Variants in SPAG9 observed in about 807,000 individuals in gnomAD.
SPAG9 encodes C-Jun-amino-terminal kinase-interacting protein 4.
In SPAG9, 35 loss-of-function variants were observed where a neutral mutation model predicts 166.5. The ratio of observed to expected loss-of-function variants is 0.21; its 90% CI spans 0.16 to 0.28. The LOEUF is 0.28. Among genes scored for constraint, SPAG9 ranks in the 10% least tolerant of loss-of-function variants. The probability of loss-of-function intolerance (pLI) is 1.00; values close to 1 mark genes in which losing one functional copy is unlikely to be tolerated. For missense variants in SPAG9, 1,235 were observed against 1,603.3 expected, an observed-to-expected ratio of 0.77 and a Z score of 3.92; for synonymous variants, 534 against 565.5, an observed-to-expected ratio of 0.94 and a Z score of 0.79.
At chr17:51,040,095 T>G (rs2046774763) in intron 5 of SPAG9, among the ~76,000 whole-genome samples, 1 of 151,216 alleles carries the variant, frequency 6.6e-6, no homozygotes, top group African/African-American at 2.4e-5. Flanking sequence ...ATTAGCCAGG[T>G]GTGGTGGTGG....
chr17:51,022,114 C>G (rs1356377548), intron 6 of SPAG9, among the ~76,000 whole-genome samples: 2 of 141,486 alleles, frequency 1.4e-5, no homozygotes, highest in East Asian at 4.2e-4. Flanking sequence ...CGGAGCTAGA[C>G]TCCATCTCAA....
chr17:50,981,022 C>T (rs1255593385), intron 25 of SPAG9, among the ~76,000 whole-genome samples: 1 of 151,950 alleles, frequency 6.6e-6, no homozygotes, highest in African/African-American at 2.4e-5. Context: ...AACAAAAATA[C>T]CAAAATATAA....
chr17:51,075,730 G>C (rs2047951263), intron 2 of SPAG9, among the ~76,000 whole-genome samples: 2 of 151,992 alleles, frequency 1.3e-5, no homozygotes, highest in Admixed American at 1.3e-4. Flanking sequence ...AGGCTAAGGT[G>C]GGAGGATCAC....
chr17:50,969,433 C>G (rs1973608172), intron 29 of SPAG9, among the ~76,000 whole-genome samples: 1 of 152,182 alleles, frequency 6.6e-6, no homozygotes, highest in Admixed American at 6.5e-5. Flanking sequence ...CACACTGTTA[C>G]TACCTTTCTT....
chr17:50,977,748 G>A (rs1315514410), intron 26 of SPAG9, among the ~76,000 whole-genome samples: 3 of 152,108 alleles, frequency 2.0e-5, no homozygotes, highest in South Asian at 2.1e-4. Flanking sequence ...GCCAGGCATG[G>A]TGGCACATGC....
intron 10 of SPAG9, among the ~76,000 whole-genome samples, chr17:51,006,989 TA>T (rs2045248431): frequency 6.6e-6 from 1 of 152,074 alleles, no homozygotes; most frequent in African/African-American, 2.4e-5. Flanking sequence ...AGGACAAATT[TA>T]GAAGATTAAG....
chr17:51,077,109 TCTAG>T (rs1412585538), intron 2 of SPAG9, among the ~76,000 whole-genome samples: 2 of 129,520 alleles, frequency 1.5e-5, no homozygotes, highest in South Asian at 2.4e-4. Context: ...TAGCTAGCTA[TCTAG>T]CTATCTAGCT....
Position 50,970,720 on chromosome 17 carries a change from G to C in SPAG9, c.3837C>G (p.Ile1279Met). 1 of 1,613,828 alleles carries C rather than the reference G, an allele frequency of 6.2e-7. No individual in the cohort carries two copies. Among genetic ancestry groups the C allele is most frequent in the East Asian group, 2.2e-5 (1 of 44,880 alleles). ...MLVISGGEGY[I>M]DFRMGDEGGE... Reference sequence around the variant, plus strand: ...CCAATGACATACCCATTCGGAAGTCGATGTAGCCCTCTCCTCCACTGATGA... The same window carrying C: ...CCAATGACATACCCATTCGGAAGTCCATGTAGCCCTCTCCTCCACTGATGA... Residue 1279 changes from isoleucine (I) to methionine (M), a missense_variant, in exon 29 of 30, where the codon ATC becomes ATG. Around this residue, in one of 6 missense-constraint regions of SPAG9, gnomAD observed 243 missense variants for 358.6 expected, o/e 0.68. Transcript: ENST00000262013.
At chr17:50,975,555 G>A (rs542475610) in intron 27 of SPAG9, among the ~76,000 whole-genome samples, 11 of 152,202 alleles carry the variant, frequency 7.2e-5, no homozygotes, top group African/African-American at 1.4e-4. Flanking sequence ...AAATATGATC[G>A]GTAACAAGAG....
intron 18 of SPAG9, among the ~76,000 whole-genome samples, chr17:50,994,294 A>G (rs761509080): frequency 6.6e-5 from 10 of 152,188 alleles, no homozygotes; most frequent in Non-Finnish European, 1.0e-4. Flanking sequence ...CCACCATGTA[A>G]GAAGTGCCTT....
At chr17:51,041,389 A>G in intron 5 of SPAG9, 112 bp downstream of exon 5, 1 of 975,734 alleles carries the variant, frequency 1.0e-6, no homozygotes, top group Non-Finnish European at 1.5e-6. Context: ...TTTACAAACT[A>G]AATGTATACA....
intron 2 of SPAG9, among the ~76,000 whole-genome samples, chr17:51,077,041 TCTAGCTATCTAGCTAG>T (rs1224113400): frequency 1.0e-5 from 1 of 98,516 alleles, no homozygotes; most frequent in African/African-American, 4.1e-5. Context: ...TATCTAGCTA[TCTAGCTATCTAGCTAG>T]CTATCTAGCT....
At chr17:51,017,526 G>A (rs2045752804) in intron 8 of SPAG9, among the ~76,000 whole-genome samples, 1 of 87,988 alleles carries the variant, frequency 1.1e-5, no homozygotes, top group Non-Finnish European at 3.1e-5. Flanking sequence ...GTCTGAGAGA[G>A]AGAGAGAGAG....
intron 1 of SPAG9, among the ~76,000 whole-genome samples, chr17:51,081,441 A>AC (rs2048161430): frequency 6.6e-6 from 1 of 151,418 alleles, no homozygotes. Context: ...ACAGAACAAG[A>AC]CCCCCTCTCA....
chr17:50,971,321 CAAA>C (rs1973786026), intron 28 of SPAG9, among the ~76,000 whole-genome samples: 2 of 149,488 alleles, frequency 1.3e-5, no homozygotes, highest in African/African-American at 5.0e-5. Context: ...AACAAACAAA[CAAA>C]CAAACAAACA....
chr17:51,023,828 C>T (rs556281559), intron 6 of SPAG9, among the ~76,000 whole-genome samples: 5 of 152,122 alleles, frequency 3.3e-5, no homozygotes, highest in Non-Finnish European at 5.9e-5. Context: ...CCATGCCCCA[C>T]TAATTTTTTG....
At chr17:51,026,339 A>T (rs1015740519) in intron 6 of SPAG9, among the ~76,000 whole-genome samples, 113 of 151,810 alleles carry the variant, frequency 7.4e-4, no homozygotes, top group African/African-American at 2.5e-3. Context: ...AAAAAAAAAA[A>T]AAAAAATAAC....
At chr17:51,105,654 G>A (rs759992141) in intron 1 of SPAG9, among the ~76,000 whole-genome samples, 1 of 151,650 alleles carries the variant, frequency 6.6e-6, no homozygotes, top group Non-Finnish European at 1.5e-5. Context: ...CAGATCACGA[G>A]GTCAGGAGAT....
chr17:51,076,977 C>CT (rs2047987836), intron 2 of SPAG9, among the ~76,000 whole-genome samples: 2 of 139,112 alleles, frequency 1.4e-5, no homozygotes, highest in Non-Finnish European at 3.2e-5. Context: ...CTCTATCTAT[C>CT]TATCTTATCT....
Sources: allele counts gnomAD v4.1 joint callset (sites outside exome capture counted in the v4.1 genomes callset), GRCh38; gene constraint gnomAD v4.1.1; regional missense constraint gnomAD v4.1.1; transcripts MANE v1.5; gene names NCBI Gene and HGNC (gene_info 2026-07-23, HGNC 2026-07-21).